The following MYO5B variants were observed in gnomAD, a reference collection of about 807,000 sequenced individuals.
MYO5B encodes the protein myosin VB, also known as unconventional myosin-Vb.
MYO5B carries 143 observed loss-of-function variants against 229.3 expected under a neutral mutation model. That is an observed-to-expected ratio of 0.62 (90% confidence interval 0.54 to 0.72). The LOEUF is 0.72. Ranked by LOEUF, MYO5B falls within the 30% of genes least tolerant of loss-of-function variation. The pLI is 0.00. For synonymous variants in MYO5B, 918 were observed against 885.2 expected (o/e 1.04, Z -0.66); for missense variants, 2,321 against 2,331.0 (o/e 1.00, Z 0.09).
chr18:49,919,257 C>T (rs1405302161), intron 17 of MYO5B, among the ~76,000 whole-genome samples: 1 of 151,672 alleles, frequency 6.6e-6, no homozygotes, highest in Non-Finnish European at 1.5e-5. Context: ...GTCTTTGTGA[C>T]CTTGGGTTAG....
chr18:50,128,093 T>G (rs1304051212), intron 1 of MYO5B, among the ~76,000 whole-genome samples: 2 of 152,254 alleles, frequency 1.3e-5, no homozygotes, highest in Non-Finnish European at 2.9e-5. Flanking sequence ...ATGCAGATCT[T>G]AGGACCTGTT....
chr18:49,942,397 A>ACG (rs1413888323), intron 14 of MYO5B, among the ~76,000 whole-genome samples: 1,347 of 78,176 alleles, frequency 0.017, 28 homozygotes, highest in African/African-American at 0.073. Context: ...AAAAAAAAAA[A>ACG]AAAAAAAACT....
chr18:49,829,550 C>G (rs1269214495), intron 39 of MYO5B, among the ~76,000 whole-genome samples: 1 of 152,196 alleles, frequency 6.6e-6, no homozygotes, highest in Non-Finnish European at 1.5e-5. Flanking sequence ...CACCAGTTCT[C>G]AAACTCTTCC....
At chr18:50,092,311 G>A (rs1296083274) in intron 1 of MYO5B, among the ~76,000 whole-genome samples, 1 of 152,198 alleles carries the variant, frequency 6.6e-6, no homozygotes, top group Non-Finnish European at 1.5e-5. Context: ...AAGAAACAGT[G>A]ATGGGAGCAG....
chr18:50,119,517 AG>A (rs1243367635), intron 1 of MYO5B, among the ~76,000 whole-genome samples: 1 of 152,188 alleles, frequency 6.6e-6, no homozygotes, highest in Non-Finnish European at 1.5e-5. Flanking sequence ...TTCGCATGAC[AG>A]GGTCAGAGAG....
At chr18:49,878,341 T>C (rs1192616451) in intron 24 of MYO5B, among the ~76,000 whole-genome samples, 5 of 151,990 alleles carry the variant, frequency 3.3e-5, no homozygotes, top group East Asian at 1.9e-4. Context: ...CTTTTTTTTT[T>C]CCTGCATCTG....
chr18:50,188,234 T>G (rs1286848858), intron 1 of MYO5B, among the ~76,000 whole-genome samples: 1 of 152,192 alleles, frequency 6.6e-6, no homozygotes, highest in African/African-American at 2.4e-5. Context: ...GAGAACATCC[T>G]TCTTTACAGC....
chr18:49,927,597 T>C lies in MYO5B; in HGVS notation c.2090+1915A>G, dbSNP rs200773915. 9.2e-5 allele frequency among the ~76,000 whole-genome samples: 14 copies of C among 152,128 alleles called. No homozygotes were observed. In the East Asian group the frequency reaches 1.2e-3, roughly 13 times the overall value. ...CTGAGAACCCAGAAATAAGACCAAA[T>C]ACTGACAGTCAACTGATCTTTGACA... On this transcript the variant is annotated intron_variant, in intron 17 of 39. Coordinates refer to ENST00000285039, the MANE Select transcript of MYO5B (RefSeq NM_001080467.3).
intron 22 of MYO5B, among the ~76,000 whole-genome samples, chr18:49,892,420 A>G (rs1194743735): frequency 1.3e-5 from 2 of 152,218 alleles, no homozygotes. Flanking sequence ...ATATCGTCAG[A>G]GATGGCAAGC....
chr18:49,917,547 G>A lies in MYO5B; in HGVS notation c.2091-5374C>T, dbSNP rs538197440. Among the ~76,000 whole-genome samples, 6 of 152,220 alleles carry A rather than the reference G, an allele frequency of 3.9e-5. No individual in the cohort carries two copies. The South Asian group carries it at 8.3e-4, about 21-fold the overall frequency. On this transcript the variant is annotated intron_variant, in intron 17 of 39. Coordinates refer to ENST00000285039, the MANE Select transcript of MYO5B (RefSeq NM_001080467.3). ...TCGACTTCCATCACCTCCACAGCAC[G>A]ACCCCCATCCTCATTAGATGGCCAT...
In MYO5B at chr18:49,906,627, G is replaced by T; in HGVS notation, c.2206C>A (p.Pro736Thr). 6.2e-7 allele frequency: 1 copy of T among 1,613,664 alleles called. No individual in the cohort carries two copies. Among genetic ancestry groups the T allele is most frequent in the South Asian group, 1.1e-5 (1 of 91,068 alleles). ...RSVLENLIKD[P>T]DKFQFGRTKI... is the part of the protein sequence containing the mutation. ...GTGCGGCCAAACTGGAACTTGTCGG[G>T]GTCCTTTACAAGGTAGGGAGGGGAT... The change falls in exon 19 of 40, where the codon CCC becomes ACC. Residue 736 changes from proline to threonine, a missense_variant. By Grantham distance (38) the Pro-to-Thr change is conservative. Coordinates refer to ENST00000285039, the MANE Select transcript of MYO5B (RefSeq NM_001080467.3).
At chr18:50,104,265 GATATATATAT>G (rs3075606) in intron 1 of MYO5B, among the ~76,000 whole-genome samples, 15 of 134,562 alleles carry the variant, frequency 1.1e-4, no homozygotes, top group African/African-American at 3.3e-4. Flanking sequence ...ATCTATACAT[GATATATATAT>G]ATATATATAT....
intron 1 of MYO5B, among the ~76,000 whole-genome samples, chr18:50,074,763 C>T (rs2031039331): frequency 6.6e-6 from 1 of 152,176 alleles, no homozygotes; most frequent in Admixed American, 6.5e-5. Context: ...CATCTCTTGC[C>T]TGTCTCATGC....
intron 3 of MYO5B, 59 bp downstream of exon 3, chr18:50,040,084 A>C (rs1568081731): frequency 6.4e-7 from 1 of 1,558,714 alleles, no homozygotes. Context: ...TGAGTTGAGC[A>C]AGTCTAAAGC....
chr18:49,995,727 G>T (rs1433003467), intron 5 of MYO5B, among the ~76,000 whole-genome samples: 1 of 152,128 alleles, frequency 6.6e-6, no homozygotes, highest in African/African-American at 2.4e-5. Flanking sequence ...GCTAATACAT[G>T]CAGGAGGTGT....
At chr18:49,948,999 A>C (rs1206863529) in intron 14 of MYO5B, among the ~76,000 whole-genome samples, 1 of 152,198 alleles carries the variant, frequency 6.6e-6, no homozygotes, top group Non-Finnish European at 1.5e-5. Flanking sequence ...AATTCTGGGA[A>C]GGAGGTGTAG....
rs777287259 is a variant in MYO5B at position 50,001,235 on chromosome 18, G to C, written c.612+20C>G. On this transcript the variant is annotated intron_variant, in intron 5 of 39. Coordinates refer to ENST00000285039, the MANE Select transcript of MYO5B (RefSeq NM_001080467.3). Reference sequence around the variant, plus strand: ...GGAGGAGCTCCAGCCAGGAAGGCCAGGACACCTAGAAGGCTTTACCTCCAT... The same window carrying C: ...GGAGGAGCTCCAGCCAGGAAGGCCACGACACCTAGAAGGCTTTACCTCCAT... The C allele has an allele frequency of 1.2e-6, 2 of 1,614,068 alleles. No individual in the cohort carries two copies. Among genetic ancestry groups the C allele is most frequent in the Middle Eastern group, 3.3e-4 (2 of 6,060 alleles).
chr18:49,987,143 C>T (rs185127710), intron 7 of MYO5B, among the ~76,000 whole-genome samples: 1 of 152,170 alleles, frequency 6.6e-6, no homozygotes, highest in African/African-American at 2.4e-5. Flanking sequence ...CCCCGCCTTC[C>T]GAGATCCCAG....
intron 1 of MYO5B, among the ~76,000 whole-genome samples, chr18:50,112,138 G>A (rs1010822266): frequency 2.0e-5 from 3 of 152,184 alleles, no homozygotes; most frequent in African/African-American, 7.2e-5. Context: ...GCCTCTCTAA[G>A]GAAGTGGCAA....
Sources: allele counts gnomAD v4.1 joint callset (sites outside exome capture counted in the v4.1 genomes callset), GRCh38; gene constraint gnomAD v4.1.1; transcripts MANE v1.5; gene names NCBI Gene and HGNC (gene_info 2026-07-23, HGNC 2026-07-21).